Variants in PDE4D observed in about 807,000 individuals in gnomAD.
PDE4D encodes the protein phosphodiesterase 4D, also known as 3',5'-cyclic-AMP phosphodiesterase 4D.
PDE4D carries 24 observed loss-of-function variants against 87.4 expected under a neutral mutation model. The observed-to-expected ratio is 0.27, with a 90% confidence interval of 0.20 to 0.39. The LOEUF (loss-of-function observed/expected upper bound fraction) is 0.39, where lower values mean the gene tolerates loss of function less well. Ranked by LOEUF, PDE4D falls within the 10% of genes least tolerant of loss-of-function variation. The pLI, the probability that PDE4D is intolerant of heterozygous loss-of-function variation, is 1.00. For missense variants in PDE4D, 714 were observed against 1,041.0 expected (o/e 0.69, Z 4.32); for synonymous variants, 384 against 383.2 (o/e 1.00, Z -0.02).
At chr5:59,070,880 T>A (rs1184020538) in intron 5 of PDE4D, among the ~76,000 whole-genome samples, 1 of 152,224 alleles carries the variant, frequency 6.6e-6, no homozygotes, top group Non-Finnish European at 1.5e-5. Flanking sequence ...TTGGTTATTC[T>A]CCATGTCTCT....
chr5:60,050,341 G>A (rs1275601321), intron 2 of PDE4D, among the ~76,000 whole-genome samples: 1 of 152,088 alleles, frequency 6.6e-6, no homozygotes, highest in Non-Finnish European at 1.5e-5. Flanking sequence ...CGCTCTCACT[G>A]GGAGTTGTAG....
chr5:59,816,900 G>T (rs1769037393), intron 1 of PDE4D, among the ~76,000 whole-genome samples: 1 of 152,192 alleles, frequency 6.6e-6, no homozygotes, highest in African/African-American at 2.4e-5. Context: ...ATTTCCAAAT[G>T]CAAATTTGTT....
At chr5:59,182,979 G>A (rs1372272249) in intron 4 of PDE4D, among the ~76,000 whole-genome samples, 1 of 152,206 alleles carries the variant, frequency 6.6e-6, no homozygotes, top group Non-Finnish European at 1.5e-5. Flanking sequence ...CTTGTGCAAA[G>A]GAGCACATGC....
chr5:59,433,956 C>G (rs992765200), intron 1 of PDE4D, among the ~76,000 whole-genome samples: 3 of 151,928 alleles, frequency 2.0e-5, no homozygotes, highest in African/African-American at 7.2e-5. Flanking sequence ...GTTCTTTCAG[C>G]CTTTAACTCT....
intron 2 of PDE4D, among the ~76,000 whole-genome samples, chr5:60,034,982 G>A (rs371795210): frequency 5.3e-5 from 8 of 152,290 alleles, no homozygotes; most frequent in African/African-American, 1.9e-4. Flanking sequence ...GCAGCAGGGT[G>A]CGGTGGCTCA....
intron 2 of PDE4D, among the ~76,000 whole-genome samples, chr5:60,015,242 A>C (rs892941438): frequency 6.6e-6 from 1 of 152,136 alleles, no homozygotes; most frequent in South Asian, 2.1e-4. Context: ...ATGTGATGAG[A>C]CTTTCTGAAA....
intron 1 of PDE4D, among the ~76,000 whole-genome samples, chr5:59,654,781 T>G (rs1440070663): frequency 6.6e-6 from 1 of 151,954 alleles, no homozygotes; most frequent in Non-Finnish European, 1.5e-5. Flanking sequence ...CACTATAGAC[T>G]TGTCTATAGT....
chr5:60,340,379 TA>T (rs1487523554), intron 1 of PDE4D, among the ~76,000 whole-genome samples: 1 of 152,144 alleles, frequency 6.6e-6, no homozygotes, highest in Admixed American at 6.5e-5. Context: ...TCATCCCATT[TA>T]AACACAGAAA....
chr5:59,632,183 G>A (rs942470781), intron 1 of PDE4D, among the ~76,000 whole-genome samples: 2 of 152,206 alleles, frequency 1.3e-5, no homozygotes, highest in Non-Finnish European at 2.9e-5. Flanking sequence ...TAGCCAGACT[G>A]CCTCTCTAGA....
rs565134522 is a variant in PDE4D, at chr5:59,057,985, T to C, written c.809-19014A>G. ...AGAACCAAATCAGAAGTTAACTCTT[T>C]AAGTTATTAAATCACTAAACAGTCT... On this transcript the variant is annotated intron_variant, in intron 5 of 14. Coordinates refer to ENST00000340635, the MANE Select transcript of PDE4D (RefSeq NM_001104631.2). 3.0e-4 allele frequency among the ~76,000 whole-genome samples: 46 copies of C among 152,316 alleles called. 1 individual carries two copies. The South Asian group carries it at 8.7e-3, about 29-fold the overall frequency.
At chr5:59,620,211 C>T (rs1001660970) in intron 1 of PDE4D, among the ~76,000 whole-genome samples, 9 of 152,142 alleles carry the variant, frequency 5.9e-5, no homozygotes, top group African/African-American at 1.7e-4. Flanking sequence ...ATTGAGGCTC[C>T]ATCCAATTGG....
At chr5:59,461,493 T>G (rs1401111865) in intron 1 of PDE4D, among the ~76,000 whole-genome samples, 1 of 152,138 alleles carries the variant, frequency 6.6e-6, no homozygotes, top group Non-Finnish European at 1.5e-5. Context: ...CATTTGGTAA[T>G]TAAGAAATTA....
intron 11 of PDE4D, among the ~76,000 whole-genome samples, chr5:58,979,151 A>G (rs1744507651): frequency 6.6e-6 from 1 of 152,168 alleles, no homozygotes. Context: ...TCCTTCAAGG[A>G]AAAGGGTGAT....
In PDE4D at chr5:59,679,698, T is replaced by TAACA. The variant is rs554388341; in HGVS notation, c.455+213466_455+213469dup. Among the ~76,000 whole-genome samples the TAACA allele has an allele frequency of 5.9e-5, 9 of 152,242 alleles. No homozygotes were observed. The South Asian group carries it at 1.9e-3, about 32-fold the overall frequency. On this transcript the variant is annotated intron_variant, in intron 1 of 14. Coordinates refer to ENST00000340635, the MANE Select transcript of PDE4D (RefSeq NM_001104631.2). ...TTTCTCAACATCAAGTAACCAGACT[T>TAACA]AACAATGATTTAAATTACTATATGA...
In PDE4D at chr5:59,534,412, A is replaced by G. The variant is rs538376626; in HGVS notation, c.456-318444T>C. Among the ~76,000 whole-genome samples, 107 of 152,310 alleles carry G rather than the reference A, an allele frequency of 7.0e-4. No individual in the cohort carries two copies. The South Asian group carries it at 8.5e-3, about 12-fold the overall frequency. On this transcript the variant is annotated intron_variant, in intron 1 of 14. Transcript: ENST00000340635. ...CTATTTTGCCTGCATTCCAATTGTT[A>G]TAATAAAGGTGAAGCAAAAGTCCTG... is the stretch of plus-strand genomic sequence containing the variant.
chr5:60,265,415 C>G (rs1011719031), intron 1 of PDE4D, among the ~76,000 whole-genome samples: 3 of 152,180 alleles, frequency 2.0e-5, no homozygotes, highest in Non-Finnish European at 4.4e-5. Flanking sequence ...AGATACTGGG[C>G]CTGGTCCTCA....
At chr5:60,238,980 T>G (rs1746757116) in intron 1 of PDE4D, among the ~76,000 whole-genome samples, 1 of 152,102 alleles carries the variant, frequency 6.6e-6, no homozygotes, top group Non-Finnish European at 1.5e-5. Flanking sequence ...AACTCTCACA[T>G]GCTTAGCATT....
At chr5:59,123,239 C>T (rs1233370908) in intron 5 of PDE4D, among the ~76,000 whole-genome samples, 1 of 152,128 alleles carries the variant, frequency 6.6e-6, no homozygotes, top group Non-Finnish European at 1.5e-5. Flanking sequence ...TGAACTTCAT[C>T]TGGAAGTCAC....
chr5:59,889,638 A>ATAT (rs1405777105), intron 1 of PDE4D, among the ~76,000 whole-genome samples: 3 of 152,172 alleles, frequency 2.0e-5, no homozygotes, highest in African/African-American at 7.2e-5. Flanking sequence ...TTAGTGTATT[A>ATAT]TATTATTGAA....
Sources: gnomAD v4.1 joint callset for allele counts (sites outside exome capture counted in the v4.1 genomes callset) on GRCh38, gnomAD v4.1.1 for gene constraint, MANE v1.5 for transcripts, NCBI Gene and HGNC (gene_info 2026-07-23, HGNC 2026-07-21) for gene names.